FBXL13: variants seen among roughly 807,000 people sequenced by gnomAD.
FBXL13 encodes the protein F-box and leucine-rich repeat protein 13.
Under a neutral mutation model 83.6 loss-of-function variants are expected in FBXL13, and 67 were observed. That is an observed-to-expected ratio of 0.80 (90% confidence interval 0.66 to 0.98). The LOEUF (loss-of-function observed/expected upper bound fraction) is 0.98. Ranked by LOEUF, FBXL13 falls within the 50% of genes least tolerant of loss-of-function variation. FBXL13 has a pLI of 0.00. For synonymous variants in FBXL13, 272 were observed against 299.5 expected (o/e 0.91, Z 0.95); for missense variants, 822 against 866.5 (o/e 0.95, Z 0.64).
chr7:102,972,394 T>C (rs2129482405), intron 6 of FBXL13, among the ~76,000 whole-genome samples: 1 of 152,342 alleles, frequency 6.6e-6, no homozygotes, highest in Admixed American at 6.5e-5. Flanking sequence ...TTAAAAATAT[T>C]TGAGTAACCA....
At chr7:102,826,952 A>G (rs1355092749) in intron 18 of FBXL13, 4 of 297,956 alleles carry the variant, frequency 1.3e-5, no homozygotes, top group Non-Finnish European at 1.5e-5. Context: ...CTATCGTATT[A>G]TTTTCATTTA....
At chr7:102,854,040 T>G (rs990070021) in intron 17 of FBXL13, among the ~76,000 whole-genome samples, 6 of 152,192 alleles carry the variant, frequency 3.9e-5, no homozygotes, top group Admixed American at 3.3e-4. Context: ...CAAAGGACTA[T>G]AAATCATGCC....
At chr7:103,044,047 C>A (rs1198343364) in intron 2 of FBXL13, among the ~76,000 whole-genome samples, 1 of 152,144 alleles carries the variant, frequency 6.6e-6, no homozygotes, top group Non-Finnish European at 1.5e-5. Context: ...AACACAACAC[C>A]TCTATGCAAT....
intron 10 of FBXL13, among the ~76,000 whole-genome samples, chr7:102,918,947 A>G (rs1436716800): frequency 6.6e-6 from 1 of 152,192 alleles, no homozygotes; most frequent in East Asian, 1.9e-4. Flanking sequence ...ATAGTACAGA[A>G]TGCCTAAAGA....
intron 6 of FBXL13, among the ~76,000 whole-genome samples, chr7:103,020,803 A>G (rs1356425426): frequency 6.6e-6 from 1 of 152,232 alleles, no homozygotes; most frequent in Non-Finnish European, 1.5e-5. Context: ...TTCGAGGAGA[A>G]CTACAAACCT....
chr7:102,953,067 A>G (rs1158031746), intron 8 of FBXL13, among the ~76,000 whole-genome samples: 1 of 152,158 alleles, frequency 6.6e-6, no homozygotes, highest in Non-Finnish European at 1.5e-5. Context: ...AATTTTACCA[A>G]ACATTTAATC....
At chr7:102,972,292 T>TG (rs1413317963) in intron 6 of FBXL13, among the ~76,000 whole-genome samples, 4 of 151,768 alleles carry the variant, frequency 2.6e-5, no homozygotes, top group Non-Finnish European at 5.9e-5. Context: ...CCAGAGAGAG[T>TG]AATCAAGAGT....
chr7:103,045,929 C>T (rs949134194), intron 2 of FBXL13, among the ~76,000 whole-genome samples: 1 of 152,158 alleles, frequency 6.6e-6, no homozygotes, highest in Non-Finnish European at 1.5e-5. Context: ...TCTTTCAGCT[C>T]GTCTTTCCAT....
At chr7:103,040,905 C>A (rs997970081) in intron 2 of FBXL13, among the ~76,000 whole-genome samples, 1 of 152,056 alleles carries the variant, frequency 6.6e-6, no homozygotes, top group African/African-American at 2.4e-5. Flanking sequence ...ACCCTAAAAT[C>A]ACAATTAAAA....
chr7:103,051,469 G>C (rs1796808268), intron 2 of FBXL13, among the ~76,000 whole-genome samples: 2 of 152,140 alleles, frequency 1.3e-5, no homozygotes, highest in African/African-American at 4.8e-5. Context: ...AAATCCGAGA[G>C]AGAGCTTACC....
chr7:102,933,944 T>C, intron 8 of FBXL13: 1 of 1,612,228 alleles, frequency 6.2e-7, no homozygotes, highest in Non-Finnish European at 8.5e-7. Context: ...AATCTTGCTC[T>C]GCTTTTGCAA....
At chr7:102,908,014 G>T (rs553506684) in intron 11 of FBXL13, among the ~76,000 whole-genome samples, 16 of 152,282 alleles carry the variant, frequency 1.1e-4, no homozygotes, top group African/African-American at 3.4e-4. Flanking sequence ...GGCGATTCCT[G>T]AAGGATCTAG....
intron 6 of FBXL13, among the ~76,000 whole-genome samples, chr7:103,009,597 G>A (rs1403160668): frequency 6.6e-6 from 1 of 152,242 alleles, no homozygotes; most frequent in East Asian, 1.9e-4. Flanking sequence ...CTGAGTGCAA[G>A]GGGACCTCTA....
At chr7:103,030,576 A>G (rs7785272) in intron 2 of FBXL13, among the ~76,000 whole-genome samples, 53,388 of 152,008 alleles carry the variant, frequency 0.35, 9,860 homozygotes, top group East Asian at 0.59. Context: ...TCATGAGCTT[A>G]ATTCTTTTTA....
chr7:102,926,314 TAGAC>T lies in FBXL13; in HGVS notation c.834_837del (p.Ser279ThrfsTer38), dbSNP rs780182420. 4 of 1,614,038 alleles carry T rather than the reference TAGAC, an allele frequency of 2.5e-6. No homozygotes were observed. The South Asian group carries it at 3.3e-5, about 13-fold the overall frequency. ...ATCGTCCTGTTGGTGATAGTTGTGTTAGACAGATTGAGACACAGGACCCCCGGGC... is the reference window on the plus strand; with the variant it reads ...ATCGTCCTGTTGGTGATAGTTGTGTTAGATTGAGACACAGGACCCCCGGGC... On this transcript the variant is annotated frameshift_variant, in exon 10 of 20. Coordinates refer to ENST00000313221, the Ensembl canonical transcript of FBXL13. LOFTEE classifies it high-confidence loss of function.
chr7:102,948,700 G>A (rs1268669963), intron 8 of FBXL13, among the ~76,000 whole-genome samples: 3 of 151,064 alleles, frequency 2.0e-5, no homozygotes, highest in South Asian at 4.2e-4. Context: ...GGGATTACAG[G>A]TGTGAGCCAC....
Position 103,051,408 on chromosome 7 carries a change from A to G in FBXL13, c.-1+4236T>C, listed in dbSNP as rs1423770253. ...CTTCCAAACCCTGTTTGGATCAGAA[A>G]TTTGCTCAAAGAAACTCGGAGAGCT... On this transcript the variant is annotated intron_variant, in intron 2 of 19. Transcript: ENST00000313221. Among the ~76,000 whole-genome samples the G allele has an allele frequency of 1.3e-5, 2 of 152,130 alleles. 1 individual carries two copies. The highest frequency in any genetic ancestry group is 4.8e-5 in the African/African-American group (2 of 41,428).
chr7:103,050,523 T>C (rs975193652), intron 2 of FBXL13, among the ~76,000 whole-genome samples: 2 of 152,220 alleles, frequency 1.3e-5, no homozygotes, highest in Non-Finnish European at 2.9e-5. Flanking sequence ...AGATGGCCCC[T>C]GTCATCTTTA....
intron 1 of FBXL13, among the ~76,000 whole-genome samples, chr7:103,061,203 G>T (rs867434908): frequency 0.011 from 1,659 of 147,438 alleles, 32 homozygotes; most frequent in African/African-American, 0.039. Context: ...TTTCTTTTTT[G>T]TTTTTTGTTA....
Sources: gnomAD v4.1 joint callset for allele counts (sites outside exome capture counted in the v4.1 genomes callset) on GRCh38, gnomAD v4.1.1 for gene constraint, MANE v1.5 for transcripts, NCBI Gene and HGNC (gene_info 2026-07-23, HGNC 2026-07-21) for gene names.